The following KCNH8 variants were observed in gnomAD, a reference collection of about 807,000 sequenced individuals.
The protein encoded by KCNH8 is potassium voltage-gated channel subfamily H member 8.
KCNH8 carries 70 observed loss-of-function variants against 103.6 expected under a neutral mutation model. That is an observed-to-expected ratio of 0.68 (90% CI 0.56 to 0.82). The LOEUF (loss-of-function observed/expected upper bound fraction) is 0.82. Among genes scored for constraint, KCNH8 ranks in the 40% least tolerant of loss-of-function variants. The pLI is 0.00. For synonymous variants in KCNH8, 498 were observed against 489.4 expected, an observed-to-expected ratio of 1.02 and a Z score of -0.23; for missense variants, 1,217 against 1,329.9, an observed-to-expected ratio of 0.92 and a Z score of 1.32.
chr3:19,306,221 G>A (rs2065128209), intron 3 of KCNH8, among the ~76,000 whole-genome samples: 1 of 151,980 alleles, frequency 6.6e-6, no homozygotes, highest in African/African-American at 2.4e-5. Context: ...TATCAAACTT[G>A]TCCTAATGTA....
intron 5 of KCNH8, among the ~76,000 whole-genome samples, chr3:19,390,076 C>T (rs1379982447): frequency 6.6e-6 from 1 of 152,060 alleles, no homozygotes; most frequent in East Asian, 1.9e-4. Context: ...AGTGAAATAT[C>T]CTATGCCAAG....
chr3:19,447,968 T>C (rs1283523217), intron 8 of KCNH8, among the ~76,000 whole-genome samples: 1 of 152,012 alleles, frequency 6.6e-6, no homozygotes, highest in Non-Finnish European at 1.5e-5. Context: ...ATTTATTTCA[T>C]CAATAAGTTA....
rs1009946611 is a variant in KCNH8 at position 19,519,536 on chromosome 3, G to A, written c.2619+1462G>A. 4.0e-5 allele frequency among the ~76,000 whole-genome samples: 6 copies of A among 150,434 alleles called. No individual in the cohort carries two copies. The East Asian group carries it at 7.9e-4, about 20-fold the overall frequency. On this transcript the variant is annotated intron_variant, in intron 15 of 15. Coordinates refer to ENST00000328405, the MANE Select transcript of KCNH8 (RefSeq NM_144633.3). ...GTTGCTAATAAGAAGTAAGAGAGCCGAAGGACCGACTAACAAGGCAGAAAA... is the reference window on the plus strand; with the variant it reads ...GTTGCTAATAAGAAGTAAGAGAGCCAAAGGACCGACTAACAAGGCAGAAAA...
intron 7 of KCNH8, among the ~76,000 whole-genome samples, chr3:19,430,347 C>T (rs2067101570): frequency 6.6e-6 from 1 of 151,976 alleles, no homozygotes; most frequent in Non-Finnish European, 1.5e-5. Context: ...TGTACTAGTG[C>T]CGTGCTCTTT....
At chr3:19,245,994 C>A (rs1293584064) in intron 1 of KCNH8, among the ~76,000 whole-genome samples, 1 of 152,008 alleles carries the variant, frequency 6.6e-6, no homozygotes. Flanking sequence ...ATAAACCTGA[C>A]AAGAATTAGT....
intron 3 of KCNH8, among the ~76,000 whole-genome samples, chr3:19,289,106 A>G (rs1478004520): frequency 1.3e-5 from 2 of 151,754 alleles, no homozygotes; most frequent in Non-Finnish European, 2.9e-5. Flanking sequence ...GTTTGAGTTC[A>G]TTGTAGATTC....
At chr3:19,363,005 C>T (rs1040719365) in intron 5 of KCNH8, among the ~76,000 whole-genome samples, 1 of 152,122 alleles carries the variant, frequency 6.6e-6, no homozygotes, top group Non-Finnish European at 1.5e-5. Flanking sequence ...TCCTTTGAAA[C>T]ATACTTAATA....
chr3:19,193,015 A>G (rs1338752377), intron 1 of KCNH8, among the ~76,000 whole-genome samples: 1 of 151,650 alleles, frequency 6.6e-6, no homozygotes, highest in South Asian at 2.1e-4. Context: ...ATAAATTTTT[A>G]GAAAGATTCA....
Position 19,512,852 on chromosome 3 carries a change from A to C in KCNH8, c.2080-118A>C. ...CAAAATCTGCAAAGACTTCAGTTTT[A>C]ATGAAAAGTAAGTCTCTAAGAGATT... On this transcript the variant is annotated intron_variant, in intron 12 of 15. Coordinates refer to ENST00000328405, the MANE Select transcript of KCNH8 (RefSeq NM_144633.3). 1.9e-5 allele frequency: 17 copies of C among 892,308 alleles called. No individual in the cohort carries two copies. The South Asian group carries it at 3.0e-4, about 16-fold the overall frequency. 55.3% of individuals were successfully genotyped at this position (892,308 alleles called of 1,614,324 possible).
chr3:19,264,191 C>T (rs932125610), intron 2 of KCNH8, among the ~76,000 whole-genome samples: 1 of 151,990 alleles, frequency 6.6e-6, no homozygotes, highest in African/African-American at 2.4e-5. Flanking sequence ...AGGTGAATCT[C>T]ACAAATGCAT....
intron 11 of KCNH8, among the ~76,000 whole-genome samples, chr3:19,490,137 G>A (rs967203347): frequency 1.3e-5 from 2 of 152,200 alleles, no homozygotes; most frequent in African/African-American, 4.8e-5. Flanking sequence ...GGAGTCCCCC[G>A]CAGGGATGCT....
At chr3:19,170,727 TACAC>T (rs1185062191) in intron 1 of KCNH8, among the ~76,000 whole-genome samples, 27 of 144,312 alleles carry the variant, frequency 1.9e-4, no homozygotes, top group African/African-American at 6.0e-4. Context: ...CACACATATA[TACAC>T]ACACATATAT....
chr3:19,318,662 T>TGTGTGTACACACACACACACACAC (rs1491117852), intron 3 of KCNH8, among the ~76,000 whole-genome samples: 22 of 142,558 alleles, frequency 1.5e-4, no homozygotes, highest in African/African-American at 5.4e-4. Flanking sequence ...TGTGTGTGTG[T>TGTGTGTACACACACACACACACAC]ACACACACAC....
chr3:19,246,274 G>GTTTTTTTTTTTTTTTTTTTTT (rs920423108), intron 1 of KCNH8, among the ~76,000 whole-genome samples: 1 of 86,350 alleles, frequency 1.2e-5, no homozygotes, highest in Non-Finnish European at 2.2e-5. Flanking sequence ...TGTTGTTGTT[G>GTTTTTTTTTTTTTTTTTTTTT]TTTTTTTTTT....
At chr3:19,264,543 G>A (rs1056974297) in intron 2 of KCNH8, among the ~76,000 whole-genome samples, 1 of 152,164 alleles carries the variant, frequency 6.6e-6, no homozygotes. Flanking sequence ...TGAGACAAAC[G>A]TAGAGATCAG....
At chr3:19,500,945 A>G (rs896569530) in intron 11 of KCNH8, among the ~76,000 whole-genome samples, 3 of 152,216 alleles carry the variant, frequency 2.0e-5, no homozygotes, top group Admixed American at 2.0e-4. Context: ...ACTGAAGGAA[A>G]TAGAGACACA....
chr3:19,518,129 A>G, intron 15 of KCNH8, 55 bp downstream of exon 15: 9 of 1,366,286 alleles, frequency 6.6e-6, no homozygotes, highest in Non-Finnish European at 7.3e-6. Flanking sequence ...TATAAATCCT[A>G]GTTACTCGCA....
chr3:19,391,933 T>G (rs2066443665), intron 6 of KCNH8, among the ~76,000 whole-genome samples: 1 of 151,910 alleles, frequency 6.6e-6, no homozygotes, highest in African/African-American at 2.4e-5. Flanking sequence ...TTAAAAAAAT[T>G]TCCAAATTCC....
chr3:19,510,916 T>C (rs142241022), intron 12 of KCNH8, among the ~76,000 whole-genome samples: 2 of 152,280 alleles, frequency 1.3e-5, no homozygotes, highest in East Asian at 1.9e-4. Flanking sequence ...GGCACGCAAA[T>C]AGATTAAATT....
Sources: allele counts gnomAD v4.1 joint callset (sites outside exome capture counted in the v4.1 genomes callset), GRCh38; gene constraint gnomAD v4.1.1; transcripts MANE v1.5; gene names NCBI Gene and HGNC (gene_info 2026-07-23, HGNC 2026-07-21).